ROBO2: variants seen among roughly 807,000 people sequenced by gnomAD.
The protein encoded by ROBO2 is roundabout guidance receptor 2, also known as roundabout homolog 2.
Under a neutral mutation model 160.8 loss-of-function variants are expected in ROBO2, and 53 were observed. The observed-to-expected ratio is 0.33, with a 90% confidence interval of 0.26 to 0.41. The LOEUF (loss-of-function observed/expected upper bound fraction) is 0.41, where lower values mean the gene tolerates loss of function less well. Among genes scored for constraint, ROBO2 ranks in the 10% least tolerant of loss-of-function variants. ROBO2 has a pLI of 1.00. For synonymous variants in ROBO2, 664 were observed against 611.7 expected, an observed-to-expected ratio of 1.09 and a Z score of -1.26; for missense variants, 1,577 against 1,722.4, an observed-to-expected ratio of 0.92 and a Z score of 1.49.
intron 2 of ROBO2, among the ~76,000 whole-genome samples, chr3:76,858,881 A>G (rs1051142763): frequency 1.3e-5 from 2 of 152,232 alleles, no homozygotes; most frequent in Admixed American, 6.5e-5. Context: ...TCTGATGATT[A>G]CAAAAGATCT....
chr3:76,330,288 A>T (rs1390724190), intron 2 of ROBO2, among the ~76,000 whole-genome samples: 1 of 152,224 alleles, frequency 6.6e-6, no homozygotes, highest in Non-Finnish European at 1.5e-5. Flanking sequence ...TGGCAGAAGG[A>T]TTAAATGGTA....
chr3:77,130,646 T>C (rs577483847), intron 2 of ROBO2, among the ~76,000 whole-genome samples: 20 of 152,316 alleles, frequency 1.3e-4, no homozygotes, highest in Admixed American at 7.2e-4. Flanking sequence ...ATCTGAGCCA[T>C]TTTCAAGTAC....
chr3:76,095,680 C>A (rs921094116), intron 2 of ROBO2, among the ~76,000 whole-genome samples: 1 of 151,314 alleles, frequency 6.6e-6, no homozygotes, highest in African/African-American at 2.4e-5. Context: ...GTAGTACTAT[C>A]TATGGTATTG....
intron 6 of ROBO2, among the ~76,000 whole-genome samples, chr3:77,536,607 T>C (rs933949972): frequency 1.3e-5 from 2 of 152,272 alleles, no homozygotes; most frequent in Middle Eastern, 3.4e-3. Context: ...GTAACATGCT[T>C]GATTGTTTCC....
intron 2 of ROBO2, among the ~76,000 whole-genome samples, chr3:77,129,344 T>A (rs931579599): frequency 6.6e-6 from 1 of 152,208 alleles, no homozygotes; most frequent in African/African-American, 2.4e-5. Context: ...TAAATCATTA[T>A]AACTAGGCTC....
intron 2 of ROBO2, among the ~76,000 whole-genome samples, chr3:76,211,587 G>A (rs1703148393): frequency 6.6e-6 from 1 of 152,048 alleles, no homozygotes; most frequent in African/African-American, 2.4e-5. Context: ...ATGCTTTTTA[G>A]CATCATAGAA....
At chr3:76,555,443 A>AAGAAAGAAGG (rs2083726254) in intron 2 of ROBO2, among the ~76,000 whole-genome samples, 1 of 138,798 alleles carries the variant, frequency 7.2e-6, no homozygotes, top group African/African-American at 2.6e-5. Flanking sequence ...GAAGGGGAAG[A>AAGAAAGAAGG]GGAAGAGGAA....
intron 1 of ROBO2, among the ~76,000 whole-genome samples, chr3:77,065,704 T>A (rs1023244769): frequency 6.6e-6 from 1 of 152,166 alleles, no homozygotes; most frequent in African/African-American, 2.4e-5. Context: ...AAAATAATGT[T>A]ATTGTTTGCA....
intron 2 of ROBO2, among the ~76,000 whole-genome samples, chr3:76,920,899 A>T (rs2076613750): frequency 6.6e-6 from 1 of 152,230 alleles, no homozygotes; most frequent in Admixed American, 6.5e-5. Flanking sequence ...GAAAGCAAAA[A>T]CACAGCAATG....
chr3:77,440,821 T>A (rs956770899), intron 2 of ROBO2, among the ~76,000 whole-genome samples: 1 of 152,132 alleles, frequency 6.6e-6, no homozygotes, highest in African/African-American at 2.4e-5. Flanking sequence ...CCATTGAGAA[T>A]TGACCTGGTT....
intron 9 of ROBO2, among the ~76,000 whole-genome samples, chr3:77,559,324 C>A (rs1483791925): frequency 1.3e-5 from 2 of 152,088 alleles, no homozygotes; most frequent in African/African-American, 4.8e-5. Context: ...ATGGAGGGCA[C>A]CTGTCCTCTA....
chr3:76,672,751 G>T (rs2092303178), intron 2 of ROBO2, among the ~76,000 whole-genome samples: 1 of 152,134 alleles, frequency 6.6e-6, no homozygotes. Flanking sequence ...CAGTAAGCAG[G>T]TTATGCTAAT....
At chr3:76,976,672 C>CT (rs1461093341) in intron 2 of ROBO2, among the ~76,000 whole-genome samples, 2 of 152,126 alleles carry the variant, frequency 1.3e-5, no homozygotes, top group East Asian at 3.9e-4. Context: ...TCACATTGTG[C>CT]TTTACTACCT....
At chr3:76,903,093 T>G (rs1021961062) in intron 2 of ROBO2, among the ~76,000 whole-genome samples, 3 of 152,076 alleles carry the variant, frequency 2.0e-5, no homozygotes, top group African/African-American at 7.2e-5. Flanking sequence ...AATATTATAG[T>G]ACAGTTTTCT....
chr3:76,103,459 C>T (rs1025579031), intron 2 of ROBO2, among the ~76,000 whole-genome samples: 1 of 152,208 alleles, frequency 6.6e-6, no homozygotes, highest in Non-Finnish European at 1.5e-5. Context: ...AACGCACCCT[C>T]TGCTCACAAT....
chr3:77,438,539 T>TACACACAC (rs77955703), intron 2 of ROBO2, among the ~76,000 whole-genome samples: 10 of 147,194 alleles, frequency 6.8e-5, no homozygotes, highest in African/African-American at 1.0e-4. Flanking sequence ...GAGAAGGGGA[T>TACACACAC]ACACACACAC....
rs555756159 is a variant in ROBO2 at position 76,979,252 on chromosome 3, G to GT, written c.110-118754dup. 1.3e-4 allele frequency among the ~76,000 whole-genome samples: 19 copies of GT among 151,974 alleles called. No homozygotes were observed. The East Asian group carries it at 1.7e-3, about 14-fold the overall frequency. Reference sequence around the variant, plus strand: ...AGCTACCACATTTGGCCCAAGTGTAGTTTTTTTTACTTAGATATATTGTAT... The same window carrying GT: ...AGCTACCACATTTGGCCCAAGTGTAGTTTTTTTTTACTTAGATATATTGTAT... On this transcript the variant is annotated intron_variant, in intron 2 of 26. Transcript: ENST00000487694.
intron 11 of ROBO2, chr3:77,564,507 A>G (rs2093424354): frequency 4.4e-6 from 2 of 455,402 alleles, no homozygotes; most frequent in Middle Eastern, 3.3e-4. Context: ...GCAAAAGAAA[A>G]CACACCTTGT....
At chr3:77,519,043 AT>A (rs1176444744) in intron 5 of ROBO2, among the ~76,000 whole-genome samples, 32 of 151,508 alleles carry the variant, frequency 2.1e-4, no homozygotes, top group Admixed American at 6.6e-5. Flanking sequence ...TTTTATTTTA[AT>A]GGCACAGTCT....
Sources: allele counts gnomAD v4.1 joint callset (sites outside exome capture counted in the v4.1 genomes callset), GRCh38; gene constraint gnomAD v4.1.1; transcripts MANE v1.5; gene names NCBI Gene and HGNC (gene_info 2026-07-23, HGNC 2026-07-21).